The following ARHGAP12 variants were observed in gnomAD, a reference collection of about 807,000 sequenced individuals.
ARHGAP12 encodes the protein rho GTPase-activating protein 12.
Under a neutral mutation model 108.6 loss-of-function variants are expected in ARHGAP12, and 64 were observed. The observed-to-expected ratio is 0.59, with a 90% CI of 0.48 to 0.73. The LOEUF is 0.73. Among genes scored for constraint, ARHGAP12 ranks in the 30% least tolerant of loss-of-function variants. ARHGAP12 has a pLI of 0.00. For synonymous variants in ARHGAP12, 312 were observed against 337.2 expected, an observed-to-expected ratio of 0.93 and a Z score of 0.82; for missense variants, 940 against 1,005.9, an observed-to-expected ratio of 0.93 and a Z score of 0.89.
intron 5 of ARHGAP12, 113 bp downstream of exon 5, chr10:31,853,953 A>G: frequency 8.9e-7 from 1 of 1,124,990 alleles, no homozygotes; most frequent in Non-Finnish European, 1.2e-6. Context: ...ATAAAGTTAC[A>G]ATGAAGAATA....
intron 6 of ARHGAP12, among the ~76,000 whole-genome samples, chr10:31,850,441 C>T (rs1199059382): frequency 6.6e-6 from 1 of 152,058 alleles, no homozygotes; most frequent in African/African-American, 2.4e-5. Flanking sequence ...ATACTCTTTC[C>T]CCAACATATA....
intron 3 of ARHGAP12, among the ~76,000 whole-genome samples, chr10:31,874,958 C>T (rs530162707): frequency 1.1e-3 from 114 of 107,240 alleles, no homozygotes; most frequent in Admixed American, 5.6e-3. Context: ...TGGGTGACAA[C>T]GCAAGACTCT....
Position 31,856,826 on chromosome 10 carries a change from T to C in ARHGAP12, c.949-2620A>G, listed in dbSNP as rs368879926. 9.2e-5 allele frequency among the ~76,000 whole-genome samples: 14 copies of C among 152,212 alleles called. No homozygotes were observed. In the East Asian group the frequency reaches 2.1e-3, roughly 23 times the overall value. ...ATCAGACTCTCTAAAACTTTATACA[T>C]AGAAACTAACAAAAAATAGAAAACA... On this transcript the variant is annotated intron_variant, in intron 4 of 19. Transcript: ENST00000344936.
chr10:31,888,479 G>A lies in ARHGAP12; in HGVS notation c.684+19693C>T, dbSNP rs188033801. Among the ~76,000 whole-genome samples, 43 of 152,338 alleles carry A rather than the reference G, an allele frequency of 2.8e-4. No individual in the cohort carries two copies. In the East Asian group the frequency reaches 4.6e-3, roughly 16 times the overall value. ...GGTGCCAAAACTTGTCTACAGCCACGTGGATGAAATATCTTTGGAAGAATA... is the reference window on the plus strand; with the variant it reads ...GGTGCCAAAACTTGTCTACAGCCACATGGATGAAATATCTTTGGAAGAATA... On this transcript the variant is annotated intron_variant, in intron 3 of 19. Coordinates refer to ENST00000344936, the MANE Select transcript of ARHGAP12 (RefSeq NM_018287.7).
chr10:31,893,309 T>C (rs1183578107), intron 3 of ARHGAP12, among the ~76,000 whole-genome samples: 1 of 152,110 alleles, frequency 6.6e-6, no homozygotes, highest in Admixed American at 6.6e-5. Flanking sequence ...ATCCAGGAGC[T>C]GGTTTTTTGA....
intron 3 of ARHGAP12, among the ~76,000 whole-genome samples, chr10:31,890,462 A>T (rs1838376175): frequency 1.3e-5 from 2 of 152,208 alleles, no homozygotes; most frequent in Admixed American, 1.3e-4. Context: ...ATAAGTACTA[A>T]AAGAAGACTG....
chr10:31,925,048 C>G (rs1413031112), intron 1 of ARHGAP12, among the ~76,000 whole-genome samples: 1 of 152,172 alleles, frequency 6.6e-6, no homozygotes, highest in Admixed American at 6.5e-5. Flanking sequence ...GTCATTTAAC[C>G]TCTCTGGGCT....
chr10:31,892,743 C>T (rs1007829463), intron 3 of ARHGAP12, among the ~76,000 whole-genome samples: 1 of 152,158 alleles, frequency 6.6e-6, no homozygotes, highest in African/African-American at 2.4e-5. Flanking sequence ...CAGCTCTGCA[C>T]CAAGCAGATC....
intron 6 of ARHGAP12, among the ~76,000 whole-genome samples, chr10:31,845,994 C>A (rs969137560): frequency 6.6e-6 from 1 of 152,088 alleles, no homozygotes; most frequent in East Asian, 1.9e-4. Flanking sequence ...GCTACTTGAG[C>A]AATTTTTACT....
At chr10:31,833,470 A>G (rs577305627) in intron 9 of ARHGAP12, among the ~76,000 whole-genome samples, 2 of 152,220 alleles carry the variant, frequency 1.3e-5, no homozygotes, top group African/African-American at 4.8e-5. Flanking sequence ...TTCTCACCCA[A>G]ATCAACGGAT....
chr10:31,886,613 G>T (rs2799032), intron 3 of ARHGAP12, among the ~76,000 whole-genome samples: 30,247 of 152,104 alleles, frequency 0.2, 3,335 homozygotes, highest in East Asian at 0.39. Flanking sequence ...CCAAAAGATA[G>T]ATATACTCCA....
chr10:31,893,318 G>GA (rs1838535123), intron 3 of ARHGAP12, among the ~76,000 whole-genome samples: 1 of 151,866 alleles, frequency 6.6e-6, no homozygotes. Context: ...CTGGTTTTTT[G>GA]AAAAAATCAA....
chr10:31,921,763 CAAAAAAAAAAAAA>C (rs57420280), intron 1 of ARHGAP12, among the ~76,000 whole-genome samples: 33 of 37,932 alleles, frequency 8.7e-4, no homozygotes, highest in African/African-American at 2.7e-3. Context: ...GGCTCCATCT[CAAAAAAAAAAAAA>C]AAAAAAAAAA....
intron 3 of ARHGAP12, among the ~76,000 whole-genome samples, chr10:31,903,967 G>T (rs1235719580): frequency 6.6e-6 from 1 of 152,186 alleles, no homozygotes; most frequent in East Asian, 1.9e-4. Flanking sequence ...ACCAAATGCT[G>T]GTGAGCACGC....
At chr10:31,858,239 G>A (rs899351197) in intron 4 of ARHGAP12, among the ~76,000 whole-genome samples, 1 of 152,026 alleles carries the variant, frequency 6.6e-6, no homozygotes, top group African/African-American at 2.4e-5. Context: ...GACAGAAGAA[G>A]AAAATGTGAG....
intron 13 of ARHGAP12, 82 bp downstream of exon 13, chr10:31,817,706 A>C: frequency 4.6e-6 from 4 of 869,794 alleles, no homozygotes; most frequent in Non-Finnish European, 7.1e-6. Flanking sequence ...TATAGATTGC[A>C]ATCCGGATAT....
At chr10:31,841,471 A>T (rs1836263807) in intron 7 of ARHGAP12, among the ~76,000 whole-genome samples, 1 of 152,182 alleles carries the variant, frequency 6.6e-6, no homozygotes, top group Non-Finnish European at 1.5e-5. Context: ...AACAATATTC[A>T]ATATGACACT....
At chr10:31,831,534 T>C (rs913586131) in intron 10 of ARHGAP12, among the ~76,000 whole-genome samples, 1 of 152,124 alleles carries the variant, frequency 6.6e-6, no homozygotes, top group Non-Finnish European at 1.5e-5. Context: ...CCTCATTACC[T>C]CTTAACTTAA....
chr10:31,870,028 T>G (rs1817945966), intron 3 of ARHGAP12, among the ~76,000 whole-genome samples: 1 of 152,062 alleles, frequency 6.6e-6, no homozygotes, highest in Non-Finnish European at 1.5e-5. Context: ...ATAGTATAAA[T>G]CCCTACAGCC....
Sources: allele counts gnomAD v4.1 joint callset (sites outside exome capture counted in the v4.1 genomes callset), GRCh38; gene constraint gnomAD v4.1.1; transcripts MANE v1.5; gene names NCBI Gene and HGNC (gene_info 2026-07-23, HGNC 2026-07-21).